The following HIGD2A variants were observed in gnomAD, a reference collection of about 807,000 sequenced individuals.
HIGD2A encodes the protein HIG1 domain family member 2A, mitochondrial.
In HIGD2A, 4 loss-of-function variants were observed where a neutral mutation model predicts 6.3. That is an observed-to-expected ratio of 0.64 (90% CI 0.31 to 1.46). The LOEUF is 1.46. HIGD2A is among the 40% of genes most tolerant of loss of function. The pLI is 0.07. For missense variants in HIGD2A, 143 were observed against 144.8 expected, an observed-to-expected ratio of 0.99 and a Z score of 0.06; for synonymous variants, 63 against 59.3, an observed-to-expected ratio of 1.06 and a Z score of -0.29.
chr5:176,389,695 T>A lies in HIGD2A; in HGVS notation c.*198T>A, dbSNP rs1033324668. On this transcript the variant is annotated 3_prime_UTR_variant, in exon 2 of 2. Transcript: ENST00000274787. ...TGCTGTTGTTTGAATGTTACATACTTCTATTTGTGCCACATCTCCCCTCCA... is the reference window on the plus strand; with the variant it reads ...TGCTGTTGTTTGAATGTTACATACTACTATTTGTGCCACATCTCCCCTCCA... 1.9e-6 allele frequency: 1 copy of A among 520,082 alleles called. No homozygotes were observed. Among genetic ancestry groups the A allele is most frequent in the African/African-American group, 1.9e-5 (1 of 51,686 alleles). The allele number at this position is 520,082 out of a possible 1,614,324, so 32.2% of individuals were successfully genotyped here.
At chr5:176,389,047 A>AG in intron 1 of HIGD2A, 74 bp downstream of exon 1, 1 of 1,569,772 alleles carries the variant, frequency 6.4e-7, no homozygotes, top group South Asian at 1.1e-5. Context: ...GAAGGACCAG[A>AG]GCGCTAGCGG....
At position 176,389,555 on chromosome 5, in the gene HIGD2A, C is replaced by T; in HGVS notation, c.*58C>T. 1 of 1,537,910 alleles carries T rather than the reference C, an allele frequency of 6.5e-7. No homozygotes were observed. Among genetic ancestry groups the T allele is most frequent in the Non-Finnish European group, 8.8e-7 (1 of 1,133,322 alleles). ...ATGATTCCAAAACCCAGGGAGCAAC[C>T]ACTGGCCCTACCGTGGGACTTACTC... On this transcript the variant is annotated 3_prime_UTR_variant, in exon 2 of 2. Coordinates refer to ENST00000274787, the MANE Select transcript of HIGD2A (RefSeq NM_138820.4).
At chr5:176,389,184 A>C (rs1756155217) in intron 1 of HIGD2A, 147 bp from the exon 2 acceptor site, 1 of 1,096,130 alleles carries the variant, frequency 9.1e-7, no homozygotes, top group South Asian at 1.5e-5. Context: ...GGACTCTGTA[A>C]CTAGGAAGAC....
Position 176,389,562 on chromosome 5 carries a change from C to T in HIGD2A, c.*65C>T. 2.0e-6 allele frequency: 3 copies of T among 1,508,384 alleles called. No individual in the cohort carries two copies. The highest frequency in any genetic ancestry group is 2.7e-6 in the Non-Finnish European group (3 of 1,110,560). 93.4% of individuals were successfully genotyped at this position (1,508,384 alleles called of 1,614,324 possible). ...CAAAACCCAGGGAGCAACCACTGGC[C>T]CTACCGTGGGACTTACTCCCTCCTC... On this transcript the variant is annotated 3_prime_UTR_variant, in exon 2 of 2. Transcript: ENST00000274787.
Position 176,389,307 on chromosome 5 carries a change from C to G in HIGD2A, c.155-24C>G, listed in dbSNP as rs777249962. 5 of 1,601,404 alleles carry G rather than the reference C, an allele frequency of 3.1e-6. No individual in the cohort carries two copies. The South Asian group carries it at 3.3e-5, about 11-fold the overall frequency. ...CCTGCGGGGCCCGACCTGCTGTTTC[C>G]CAGTTGCTTTGTCCCCTCCTCAGGT... On this transcript the variant is annotated intron_variant, in intron 1 of 1. Coordinates refer to ENST00000274787, the MANE Select transcript of HIGD2A (RefSeq NM_138820.4).
In HIGD2A at chr5:176,389,367, T is replaced by G; in HGVS notation, c.191T>G (p.Leu64Arg). The G allele has an allele frequency of 6.2e-7, 1 of 1,614,100 alleles. No homozygotes were observed. Among genetic ancestry groups the G allele is most frequent in the Non-Finnish European group, 8.5e-7 (1 of 1,179,996 alleles). The change falls in exon 2 of 2, where the codon CTC becomes CGC. Residue 64 changes from leucine to arginine, a missense_variant. Physicochemically the swap from Leu to Arg is moderately radical, Grantham distance 102. Transcript: ENST00000274787. ...ACGGCGGCCGCCCTCACCTACGGCC[T>G]CTACTCCTTCCACCGGGGCAACAGC... ...LATAAALTYG[L>R]YSFHRGNSQR...
In HIGD2A at chr5:176,389,326, C is replaced by T. The variant is rs775469002; in HGVS notation, c.155-5C>T. 3 of 1,612,386 alleles carry T rather than the reference C, an allele frequency of 1.9e-6. No individual in the cohort carries two copies. Among genetic ancestry groups the T allele is most frequent in the Non-Finnish European group, 2.5e-6 (3 of 1,179,226 alleles). On this transcript the variant is annotated splice_polypyrimidine_tract_variant and splice_region_variant and intron_variant, in intron 1 of 1. Transcript: ENST00000274787. ...TGTTTCCCAGTTGCTTTGTCCCCTC[C>T]TCAGGTTGCCTGGCCACGGCGGCCG...
intron 1 of HIGD2A, 109 bp from the exon 2 acceptor site, chr5:176,389,221 TC>T: frequency 7.4e-7 from 1 of 1,343,468 alleles, no homozygotes; most frequent in Non-Finnish European, 1.0e-6. Context: ...CTCGCCGCCC[TC>T]CCTCCGCTGT....
In HIGD2A at chr5:176,389,453, A is replaced by G. The variant is rs770883504; in HGVS notation, c.277A>G (p.Ile93Val). Reference sequence around the variant, plus strand: ...CGCCCAGGGTTTCACGGTCGCAGCCATCTTGCTGGGTCTGGCTGTCACTGC... The same window carrying G: ...CGCCCAGGGTTTCACGGTCGCAGCCGTCTTGCTGGGTCTGGCTGTCACTGC... ...IAAQGFTVAA[I>V]LLGLAVTAMK... The change falls in exon 2 of 2, where the codon ATC becomes GTC. Residue 93 changes from isoleucine (I) to valine (V), a missense_variant. Physicochemically the swap from Ile to Val is conservative, Grantham distance 29. Coordinates refer to ENST00000274787, the MANE Select transcript of HIGD2A (RefSeq NM_138820.4). 13 of 1,614,068 alleles carry G rather than the reference A, an allele frequency of 8.1e-6. No individual in the cohort carries two copies. Among genetic ancestry groups the G allele is most frequent in the Non-Finnish European group, 1.1e-5 (13 of 1,180,008 alleles).
At position 176,389,376 on chromosome 5, in the gene HIGD2A, T is replaced by C. The variant is rs1296418896; in HGVS notation, c.200T>C (p.Phe67Ser). ...GCCCTCACCTACGGCCTCTACTCCTTCCACCGGGGCAACAGCCAGCGCTCT... is the reference window on the plus strand; with the variant it reads ...GCCCTCACCTACGGCCTCTACTCCTCCCACCGGGGCAACAGCCAGCGCTCT... ...AAALTYGLYS[F>S]HRGNSQRSQL... Residue 67 changes from phenylalanine to serine, a missense_variant, in exon 2 of 2, where the codon TTC (phenylalanine) becomes TCC (serine). Physicochemically the swap from Phe to Ser is radical, Grantham distance 155 (BLOSUM62 -2). Coordinates refer to ENST00000274787, the MANE Select transcript of HIGD2A (RefSeq NM_138820.4). The C allele has an allele frequency of 1.9e-6, 3 of 1,614,040 alleles. No homozygotes were observed. The highest frequency in any genetic ancestry group is 2.5e-6 in the Non-Finnish European group (3 of 1,179,988).
chr5:176,389,331 G>C lies in HIGD2A; in HGVS notation c.155G>C (p.Gly52Ala), dbSNP rs1340439296. The C allele has an allele frequency of 9.3e-6, 15 of 1,612,682 alleles. No homozygotes were observed. Among genetic ancestry groups the C allele is most frequent in the Non-Finnish European group, 1.2e-5 (14 of 1,179,388 alleles). ...KTRENPVVPIGCLATAAALTY... is the reference protein window; with the variant it reads ...KTRENPVVPIACLATAAALTY... ...CCCAGTTGCTTTGTCCCCTCCTCAG[G>C]TTGCCTGGCCACGGCGGCCGCCCTC... The change falls in exon 2 of 2, where the codon GGT (glycine) becomes GCT (alanine). Residue 52 changes from glycine to alanine, a missense_variant and splice_region_variant. By Grantham distance (60) the Gly-to-Ala change is moderately conservative (BLOSUM62 0). Coordinates refer to ENST00000274787, the MANE Select transcript of HIGD2A (RefSeq NM_138820.4).
chr5:176,389,495 T>G lies in HIGD2A; in HGVS notation c.319T>G (p.Ter107GluextTer12). ...LAVTAMKSRP[*>E] ...TGTCACTGCTATGAAGTCTCGACCC[T>G]AAGCCCAGGGTCTGGCCTTGAAAGC... Residue 107 changes from the stop codon to glutamate (E), a stop_lost, in exon 2 of 2, where the codon TAA becomes GAA. Coordinates refer to ENST00000274787, the MANE Select transcript of HIGD2A (RefSeq NM_138820.4). The G allele has an allele frequency of 6.2e-7, 1 of 1,612,174 alleles. No individual in the cohort carries two copies. Among genetic ancestry groups the G allele is most frequent in the Non-Finnish European group, 8.5e-7 (1 of 1,178,934 alleles).
intron 1 of HIGD2A, 29 bp downstream of exon 1, chr5:176,389,002 G>A (rs1186211676): frequency 1.7e-5 from 28 of 1,612,568 alleles, no homozygotes; most frequent in Non-Finnish European, 2.2e-5. Context: ...AACTGCACAA[G>A]GAGAGGACAG....
At position 176,389,585 on chromosome 5, in the gene HIGD2A, C is replaced by T; in HGVS notation, c.*88C>T. On this transcript the variant is annotated 3_prime_UTR_variant, in exon 2 of 2. Coordinates refer to ENST00000274787, the MANE Select transcript of HIGD2A (RefSeq NM_138820.4). Reference sequence around the variant, plus strand: ...GCCCTACCGTGGGACTTACTCCCTCCTCTCCTTTGAGAGGCCCATGTGTCG... The same window carrying T: ...GCCCTACCGTGGGACTTACTCCCTCTTCTCCTTTGAGAGGCCCATGTGTCG... 1 of 1,403,782 alleles carries T rather than the reference C, an allele frequency of 7.1e-7. No individual in the cohort carries two copies. Among genetic ancestry groups the T allele is most frequent in the South Asian group, 1.4e-5 (1 of 73,200 alleles). The allele number at this position is 1,403,782 out of a possible 1,614,324, so 87.0% of individuals were successfully genotyped here.
Position 176,389,626 on chromosome 5 carries a change from C to T in HIGD2A, c.*129C>T. 2 of 1,027,454 alleles carry T rather than the reference C, an allele frequency of 1.9e-6. No homozygotes were observed. Among genetic ancestry groups the T allele is most frequent in the South Asian group, 1.7e-5 (1 of 57,298 alleles). 63.6% of individuals were successfully genotyped at this position (1,027,454 alleles called of 1,614,324 possible). On this transcript the variant is annotated 3_prime_UTR_variant, in exon 2 of 2. Transcript: ENST00000274787. ...CCATGTGTCGCTGGGGAGGAAGTGA[C>T]CCTTTGTGTAACTGTAACCGAAAGT...
chr5:176,389,288 G>T (rs1317686144), intron 1 of HIGD2A, 43 bp from the exon 2 acceptor site: 9 of 1,583,944 alleles, frequency 5.7e-6, no homozygotes, highest in Non-Finnish European at 7.7e-6. Context: ...ATGACCTGCG[G>T]GGCCCGACCT....
chr5:176,389,346 C>T lies in HIGD2A; in HGVS notation c.170C>T (p.Ala57Val). Residue 57 changes from alanine to valine, a missense_variant, in exon 2 of 2, where the codon GCG (alanine) becomes GTG (valine). Physicochemically the swap from Ala to Val is moderately conservative, Grantham distance 64. Transcript: ENST00000274787. The stretch of plus-strand genomic sequence containing the variant: ...CCCTCCTCAGGTTGCCTGGCCACGG[C>T]GGCCGCCCTCACCTACGGCCTCTAC... ...PVVPIGCLAT[A>V]AALTYGLYSF... The T allele has an allele frequency of 1.2e-6, 2 of 1,613,222 alleles. No individual in the cohort carries two copies. The highest frequency in any genetic ancestry group is 1.3e-5 in the African/African-American group (1 of 75,012).
rs749778599 is a variant in HIGD2A, at chr5:176,388,769, C to T, written c.-51C>T. The stretch of plus-strand genomic sequence containing the variant: ...TCCCCGCCCCTTTCATGACCTTCAC[C>T]GGGAGGCTGAGGTCGGAGTCCCGAT... On this transcript the variant is annotated 5_prime_UTR_variant, in exon 1 of 2. Transcript: ENST00000274787. 3 of 1,593,510 alleles carry T rather than the reference C, an allele frequency of 1.9e-6. No homozygotes were observed. Among genetic ancestry groups the T allele is most frequent in the Admixed American group, 1.8e-5 (1 of 56,202 alleles).
intron 1 of HIGD2A, 124 bp downstream of exon 1, chr5:176,389,097 C>A: frequency 7.8e-7 from 1 of 1,280,846 alleles, no homozygotes; most frequent in Non-Finnish European, 1.1e-6. Flanking sequence ...GACGAGGGGG[C>A]GGGGCGGTGA....
Sources: gnomAD v4.1 joint callset for allele counts on GRCh38, gnomAD v4.1.1 for gene constraint, MANE v1.5 for transcripts, NCBI Gene and HGNC (gene_info 2026-07-23, HGNC 2026-07-21) for gene names.